GPR137C: variants seen among roughly 807,000 people sequenced by gnomAD.
The protein encoded by GPR137C is integral membrane protein GPR137C.
GPR137C carries 27 observed loss-of-function variants against 43.4 expected under a neutral mutation model. The ratio of observed to expected loss-of-function variants is 0.62; its 90% CI spans 0.46 to 0.86. The LOEUF (loss-of-function observed/expected upper bound fraction) is 0.86. GPR137C is among the 40% of genes least tolerant of loss of function. The pLI, the probability that GPR137C is intolerant of heterozygous loss-of-function variation, is 0.00. For missense variants in GPR137C, 522 were observed against 534.6 expected (o/e 0.98, Z 0.23); for synonymous variants, 285 against 226.9 (o/e 1.26, Z -2.30).
rs778098101 is a variant in GPR137C at position 52,562,015 on chromosome 14, A to G, written c.444+8424A>G. Among the ~76,000 whole-genome samples the G allele has an allele frequency of 5.3e-5, 8 of 152,324 alleles. No homozygotes were observed. In the South Asian group the frequency reaches 8.3e-4, roughly 16 times the overall value. On this transcript the variant is annotated intron_variant, in intron 1 of 6. Coordinates refer to ENST00000321662, the MANE Select transcript of GPR137C (RefSeq NM_001099652.2). ...ATTTTAAAAATTTCAGGGCTTTGCA[A>G]TTTACTCCAAGAATAAAAGCTGAAG...
Position 52,633,657 on chromosome 14 carries a change from TATG to T in GPR137C, c.993+5_993+7del. On this transcript the variant is annotated splice_donor_5th_base_variant and intron_variant, in intron 5 of 6. Transcript: ENST00000321662. ...GCACAGAGATTAAACCAGAATTTGG[TATG>T]ATATAATATTCCCCAATGCCTGTTC... 6.2e-7 allele frequency: 1 copy of T among 1,612,448 alleles called. No individual in the cohort carries two copies. Among genetic ancestry groups the T allele is most frequent in the Non-Finnish European group, 8.5e-7 (1 of 1,179,002 alleles).
intron 1 of GPR137C, among the ~76,000 whole-genome samples, chr14:52,597,470 A>G (rs2038870403): frequency 1.3e-5 from 2 of 152,328 alleles, no homozygotes; most frequent in Middle Eastern, 3.4e-3. Context: ...CAGGTCCCCA[A>G]ACTTCATACT....
chr14:52,612,399 A>C, intron 3 of GPR137C: 1 of 979,696 alleles, frequency 1.0e-6, no homozygotes, highest in Non-Finnish European at 1.2e-6. Flanking sequence ...GTGGTTTTCA[A>C]AAAAGAATGT....
chr14:52,557,151 T>C (rs1332275487), intron 1 of GPR137C, among the ~76,000 whole-genome samples: 1 of 152,146 alleles, frequency 6.6e-6, no homozygotes, highest in Non-Finnish European at 1.5e-5. Context: ...AAAATAGAAA[T>C]TCCTTGAGGA....
chr14:52,586,753 A>G (rs1320910149), intron 1 of GPR137C, among the ~76,000 whole-genome samples: 1 of 152,168 alleles, frequency 6.6e-6, no homozygotes, highest in East Asian at 1.9e-4. Context: ...CTCACCTATT[A>G]TCTTTATTTC....
rs1466971046 is a variant in GPR137C at position 52,636,866 on chromosome 14, T to A, written c.*1751T>A. 6.6e-6 allele frequency: 1 copy of A among 152,148 alleles called. No individual in the cohort carries two copies. Among genetic ancestry groups the A allele is most frequent in the African/African-American group, 2.4e-5 (1 of 41,464 alleles). The allele number at this position is 152,148 out of a possible 1,614,324, so 9.4% of individuals were successfully genotyped here. On this transcript the variant is annotated 3_prime_UTR_variant, in exon 7 of 7. Transcript: ENST00000321662. ...GTATTAAGTGACAAAAGCGTACTTT[T>A]ATTACAACTCCAGTTGTTAGATTGC...
intron 3 of GPR137C, among the ~76,000 whole-genome samples, chr14:52,610,426 A>G (rs1000516451): frequency 6.6e-6 from 1 of 151,346 alleles, no homozygotes; most frequent in Non-Finnish European, 1.5e-5. Flanking sequence ...AAAATAGGTG[A>G]GTACAGTACA....
intron 1 of GPR137C, among the ~76,000 whole-genome samples, chr14:52,574,562 G>A (rs969929801): frequency 1.3e-5 from 2 of 152,048 alleles, no homozygotes; most frequent in Admixed American, 6.6e-5. Context: ...GGGGCCTGTC[G>A]GTAGGTGGGG....
chr14:52,616,699 A>G (rs2039103900), intron 3 of GPR137C, among the ~76,000 whole-genome samples: 1 of 152,184 alleles, frequency 6.6e-6, no homozygotes, highest in Non-Finnish European at 1.5e-5. Flanking sequence ...TCTGTATTCC[A>G]GGTTCTTGTT....
intron 3 of GPR137C, among the ~76,000 whole-genome samples, chr14:52,624,286 T>C (rs1466030880): frequency 6.7e-6 from 1 of 149,506 alleles, no homozygotes; most frequent in African/African-American, 2.4e-5. Context: ...AAATAAAATA[T>C]ATCAAAATTT....
intron 3 of GPR137C, among the ~76,000 whole-genome samples, chr14:52,625,874 A>G (rs2039220501): frequency 6.6e-6 from 1 of 152,044 alleles, no homozygotes; most frequent in Non-Finnish European, 1.5e-5. Context: ...TTGTTAGACC[A>G]GGTTTTATGA....
At chr14:52,561,316 C>G (rs115796266) in intron 1 of GPR137C, among the ~76,000 whole-genome samples, 1 of 152,192 alleles carries the variant, frequency 6.6e-6, no homozygotes, top group Admixed American at 6.5e-5. Context: ...TAAAATCTAG[C>G]TGTTACAGAA....
chr14:52,595,177 C>T (rs112463028), intron 1 of GPR137C, among the ~76,000 whole-genome samples: 8,367 of 152,168 alleles, frequency 0.055, 262 homozygotes, highest in Middle Eastern at 0.075. Flanking sequence ...GGGTTTCTGC[C>T]GAGAGATCCC....
intron 2 of GPR137C, among the ~76,000 whole-genome samples, chr14:52,599,774 C>T (rs12589434): frequency 0.047 from 7,136 of 152,130 alleles, 407 homozygotes; most frequent in East Asian, 0.16. Context: ...AAAATTTAAT[C>T]AATATGAATT....
intron 1 of GPR137C, among the ~76,000 whole-genome samples, chr14:52,592,041 A>G (rs2038791311): frequency 6.6e-6 from 1 of 152,226 alleles, no homozygotes. Context: ...CTTTCTGCAT[A>G]TAGCTAGCCA....
intron 3 of GPR137C, among the ~76,000 whole-genome samples, chr14:52,618,947 A>G (rs566718810): frequency 1.3e-5 from 2 of 152,132 alleles, no homozygotes; most frequent in African/African-American, 2.4e-5. Flanking sequence ...TTATATCTGG[A>G]TAAGGGTATA....
At chr14:52,571,624 A>G (rs1036770660) in intron 1 of GPR137C, among the ~76,000 whole-genome samples, 1 of 152,170 alleles carries the variant, frequency 6.6e-6, no homozygotes, top group African/African-American at 2.4e-5. Flanking sequence ...CAGTGAGCCA[A>G]GATTGCGCCA....
At chr14:52,581,820 A>G (rs922154306) in intron 1 of GPR137C, among the ~76,000 whole-genome samples, 1 of 152,220 alleles carries the variant, frequency 6.6e-6, no homozygotes, top group African/African-American at 2.4e-5. Flanking sequence ...TTTATATTAG[A>G]TATGCTCTCC....
At chr14:52,555,910 A>G (rs2038185253) in intron 1 of GPR137C, among the ~76,000 whole-genome samples, 1 of 152,192 alleles carries the variant, frequency 6.6e-6, no homozygotes, top group Non-Finnish European at 1.5e-5. Flanking sequence ...ATTAGAGAAA[A>G]TCTCCAGGAA....
Sources: allele counts gnomAD v4.1 joint callset (sites outside exome capture counted in the v4.1 genomes callset), GRCh38; gene constraint gnomAD v4.1.1; transcripts MANE v1.5; gene names NCBI Gene and HGNC (gene_info 2026-07-23, HGNC 2026-07-21).